Variants in TANK observed in about 807,000 individuals in gnomAD.
TANK encodes TRAF family member-associated NF-kappa-B activator.
In TANK, 15 loss-of-function variants were observed where a neutral mutation model predicts 43.6. The observed-to-expected ratio is 0.34, with a 90% CI of 0.23 to 0.53. TANK has a LOEUF of 0.53. Among genes scored for constraint, TANK ranks in the 20% least tolerant of loss-of-function variants. TANK has a pLI of 0.94. For missense variants in TANK, 417 were observed against 498.6 expected (o/e 0.84, Z 1.56); for synonymous variants, 162 against 178.2 (o/e 0.91, Z 0.73).
At chr2:161,140,997 C>G (rs532412011) in intron 1 of TANK, among the ~76,000 whole-genome samples, 1 of 152,154 alleles carries the variant, frequency 6.6e-6, no homozygotes, top group South Asian at 2.1e-4. Flanking sequence ...AATATGGGTA[C>G]ATTATTATTA....
intron 2 of TANK, among the ~76,000 whole-genome samples, chr2:161,185,178 C>A (rs1406827800): frequency 1.3e-5 from 2 of 151,986 alleles, no homozygotes; most frequent in East Asian, 3.9e-4. Flanking sequence ...AGGTAAGAAA[C>A]AAATTATAGA....
intron 4 of TANK, chr2:161,207,326 A>G (rs1686696808): frequency 1.1e-6 from 1 of 874,300 alleles, no homozygotes; most frequent in Middle Eastern, 5.9e-4. Flanking sequence ...ACCTAACTTC[A>G]GCGAGTTCTC....
chr2:161,208,161 G>C (rs1425573581), intron 4 of TANK: 1 of 985,174 alleles, frequency 1.0e-6, no homozygotes, highest in Non-Finnish European at 1.2e-6. Context: ...GGAAAGACTT[G>C]TGGACATTTT....
intron 2 of TANK, among the ~76,000 whole-genome samples, chr2:161,198,331 A>G (rs1574023326): frequency 6.6e-6 from 1 of 152,304 alleles, no homozygotes; most frequent in East Asian, 1.9e-4. Flanking sequence ...TTCTGGACAC[A>G]CTGGGGTGGA....
At chr2:161,228,253 C>T (rs1559009442) in intron 6 of TANK, among the ~76,000 whole-genome samples, 2 of 152,174 alleles carry the variant, frequency 1.3e-5, no homozygotes, top group African/African-American at 2.4e-5. Flanking sequence ...CATATCAGCC[C>T]AGGCACAGTG....
At chr2:161,165,539 A>G (rs536284922) in intron 1 of TANK, among the ~76,000 whole-genome samples, 1 of 152,278 alleles carries the variant, frequency 6.6e-6, no homozygotes, top group South Asian at 2.1e-4. Context: ...CTCAACCTTT[A>G]AAAATCCATA....
chr2:161,194,083 A>T (rs12469874), intron 2 of TANK, among the ~76,000 whole-genome samples: 1 of 152,120 alleles, frequency 6.6e-6, no homozygotes, highest in Non-Finnish European at 1.5e-5. Context: ...AGAAATTTCT[A>T]TTGCTTCTTT....
At chr2:161,164,480 G>A (rs774299940) in intron 1 of TANK, among the ~76,000 whole-genome samples, 2 of 152,084 alleles carry the variant, frequency 1.3e-5, no homozygotes, top group Non-Finnish European at 2.9e-5. Context: ...AACAAAAATC[G>A]CTTTATAGTT....
chr2:161,167,815 A>G (rs1000413894), intron 1 of TANK, among the ~76,000 whole-genome samples: 3 of 151,902 alleles, frequency 2.0e-5, no homozygotes, highest in African/African-American at 7.3e-5. Flanking sequence ...TAGTAGAGAC[A>G]GGGTTTCACC....
rs184078009 is a variant in TANK, at chr2:161,173,506, C to T, written c.-49-6108C>T. Among the ~76,000 whole-genome samples the T allele has an allele frequency of 7.0e-4, 107 of 152,202 alleles. 2 individuals carry two copies. In the South Asian group the frequency reaches 9.9e-3, roughly 14 times the overall value. ...GCCTTTATCTTGTTTATACCTTTTACTTAACAGTTTTCTTCTTCTTTTTAG... is the reference window on the plus strand; with the variant it reads ...GCCTTTATCTTGTTTATACCTTTTATTTAACAGTTTTCTTCTTCTTTTTAG... On this transcript the variant is annotated intron_variant, in intron 1 of 7. Coordinates refer to ENST00000392749, the MANE Select transcript of TANK (RefSeq NM_001199135.3).
intron 1 of TANK, among the ~76,000 whole-genome samples, chr2:161,165,701 CCTT>C (rs1241625456): frequency 6.6e-6 from 1 of 152,162 alleles, no homozygotes; most frequent in Non-Finnish European, 1.5e-5. Context: ...TATGCAAAGT[CCTT>C]CTTTATATGA....
chr2:161,149,955 C>T (rs1443843689), intron 1 of TANK, among the ~76,000 whole-genome samples: 1 of 152,014 alleles, frequency 6.6e-6, no homozygotes, highest in African/African-American at 2.4e-5. Context: ...TCTTTTTTAT[C>T]ACGTCTCTGT....
chr2:161,217,580 T>G (rs1035196351), intron 4 of TANK, among the ~76,000 whole-genome samples: 1 of 140,032 alleles, frequency 7.1e-6, no homozygotes. Flanking sequence ...TTTCAGGTAG[T>G]TGGTTTGTGT....
chr2:161,196,316 A>T (rs776518061), intron 2 of TANK, among the ~76,000 whole-genome samples: 5 of 152,194 alleles, frequency 3.3e-5, no homozygotes, highest in Non-Finnish European at 5.9e-5. Flanking sequence ...CCCCAGGAAC[A>T]GTTGGCCACA....
upstream of TANK, among the ~76,000 whole-genome samples, chr2:161,155,718 C>A (rs1027266171): frequency 1.3e-5 from 2 of 152,136 alleles, no homozygotes; most frequent in Non-Finnish European, 2.9e-5. Flanking sequence ...AACTTAGATA[C>A]CAGAAGCCTT....
intron 2 of TANK, among the ~76,000 whole-genome samples, chr2:161,188,351 A>T (rs1261048209): frequency 9.9e-5 from 15 of 152,284 alleles, no homozygotes. Flanking sequence ...AAATGAGGAC[A>T]TTATTACCTA....
intron 6 of TANK, among the ~76,000 whole-genome samples, chr2:161,229,295 G>T (rs1687789376): frequency 6.6e-6 from 1 of 152,154 alleles, no homozygotes. Context: ...AGATGACCAG[G>T]GGCCAGTCAT....
chr2:161,165,340 T>C (rs1684628913), intron 1 of TANK, among the ~76,000 whole-genome samples: 2 of 152,142 alleles, frequency 1.3e-5, no homozygotes, highest in Admixed American at 1.3e-4. Flanking sequence ...TCTTTCAAAA[T>C]AAAGGATTTT....
chr2:161,188,812 A>G (rs764867175), intron 2 of TANK, among the ~76,000 whole-genome samples: 1 of 152,200 alleles, frequency 6.6e-6, no homozygotes, highest in Non-Finnish European at 1.5e-5. Flanking sequence ...CAGTATAACA[A>G]TATTAAGAAG....
Sources: allele counts gnomAD v4.1 joint callset (sites outside exome capture counted in the v4.1 genomes callset), GRCh38; gene constraint gnomAD v4.1.1; transcripts MANE v1.5; gene names NCBI Gene and HGNC (gene_info 2026-07-23, HGNC 2026-07-21).